The following NBAS variants were observed in gnomAD, a reference collection of about 807,000 sequenced individuals.
NBAS encodes the protein NAG/BC035112 fusion.
In NBAS, 219 loss-of-function variants were observed where a neutral mutation model predicts 302.5. That is an observed-to-expected ratio of 0.72 (90% CI 0.65 to 0.81). NBAS has a LOEUF of 0.81. NBAS is among the 30% of genes least tolerant of loss of function. NBAS has a pLI of 0.00. For missense variants in NBAS, 2,932 were observed against 2,841.6 expected (o/e 1.03, Z -0.72); for synonymous variants, 1,118 against 1,021.6 (o/e 1.09, Z -1.80).
At chr2:15,345,374 A>G (rs1399287178) in intron 35 of NBAS, among the ~76,000 whole-genome samples, 1 of 152,182 alleles carries the variant, frequency 6.6e-6, no homozygotes, top group African/African-American at 2.4e-5. Context: ...ACAGATAGAG[A>G]GCCAAATCAT....
At chr2:15,541,125 C>A (rs988573100) in intron 6 of NBAS, among the ~76,000 whole-genome samples, 46 of 152,214 alleles carry the variant, frequency 3.0e-4, no homozygotes, top group African/African-American at 1.0e-3. Flanking sequence ...TTCCTTGACA[C>A]CCTTGAAAAC....
At chr2:15,190,606 G>A (rs1015144131) in intron 48 of NBAS, among the ~76,000 whole-genome samples, 5 of 152,190 alleles carry the variant, frequency 3.3e-5, no homozygotes, top group African/African-American at 1.2e-4. Context: ...ACTACAATCA[G>A]AGGAAGGTTC....
At chr2:14,948,561 C>T in the NBAS span, among the ~76,000 whole-genome samples, 3 of 151,642 alleles carry the variant, frequency 2.0e-5, no homozygotes, top group Non-Finnish European at 4.4e-5. Context: ...AAGATCTATA[C>T]AAGGAAAACC....
chr2:15,380,054 T>C (rs1674957450), intron 29 of NBAS, among the ~76,000 whole-genome samples: 1 of 152,174 alleles, frequency 6.6e-6, no homozygotes, highest in Non-Finnish European at 1.5e-5. Flanking sequence ...AGTCAATCTT[T>C]TAGAAAGAAT....
At chr2:15,198,776 G>A (rs895873142) in intron 48 of NBAS, among the ~76,000 whole-genome samples, 2 of 152,116 alleles carry the variant, frequency 1.3e-5, no homozygotes, top group African/African-American at 4.8e-5. Flanking sequence ...CTTACTTTCC[G>A]AAAGACATCT....
chr2:14,908,503 G>A, the NBAS span, among the ~76,000 whole-genome samples: 1 of 152,302 alleles, frequency 6.6e-6, no homozygotes, highest in South Asian at 2.1e-4. Flanking sequence ...TTTTTTACGT[G>A]GAGAGGGTTT....
intron 42 of NBAS, among the ~76,000 whole-genome samples, chr2:15,283,878 C>T (rs1669929438): frequency 6.6e-6 from 1 of 152,134 alleles, no homozygotes; most frequent in African/African-American, 2.4e-5. Flanking sequence ...CCCATGCTGT[C>T]ATCAATAGGC....
At chr2:14,888,504 C>CT in the NBAS span, among the ~76,000 whole-genome samples, 1 of 151,986 alleles carries the variant, frequency 6.6e-6, no homozygotes, top group Non-Finnish European at 1.5e-5. Flanking sequence ...ATCTCATTCT[C>CT]TATGATTTCT....
chr2:15,090,461 G>C, the NBAS span, among the ~76,000 whole-genome samples: 1 of 152,238 alleles, frequency 6.6e-6, no homozygotes, highest in Non-Finnish European at 1.5e-5. Flanking sequence ...CTGCAGGACT[G>C]TCATCTGGCT....
chr2:15,383,773 G>A (rs1277786141), intron 28 of NBAS, among the ~76,000 whole-genome samples: 10 of 152,146 alleles, frequency 6.6e-5, no homozygotes, highest in Non-Finnish European at 1.5e-4. Context: ...ACATCCATAG[G>A]ACAACCGCAG....
rs751002986 is a variant in NBAS, at chr2:15,287,132, G to A, written c.5079C>T (p.Tyr1693=). The change falls in exon 42 of 52, where the codon TAC becomes TAT. Residue 1693 remains tyrosine, a synonymous_variant. Transcript: ENST00000281513. Reference sequence around the variant, plus strand: ...TAAAAACTTCCCAGCGGGAGACACTGTAACGTTGTGCCAGAGAAATAGCAA... The same window carrying A: ...TAAAAACTTCCCAGCGGGAGACACTATAACGTTGTGCCAGAGAAATAGCAA... ...YSIAISLAQR[Y]SVSRWEVFMT... is the part of the protein sequence containing the mutation. 6.2e-7 allele frequency: 1 copy of A among 1,613,942 alleles called. No individual in the cohort carries two copies. The highest frequency in any genetic ancestry group is 8.5e-7 in the Non-Finnish European group (1 of 1,179,932).
chr2:14,854,794 T>C, the NBAS span, among the ~76,000 whole-genome samples: 1 of 152,104 alleles, frequency 6.6e-6, no homozygotes, highest in Non-Finnish European at 1.5e-5. Flanking sequence ...CTCACCACCA[T>C]AAGCTATAGC....
the NBAS span, among the ~76,000 whole-genome samples, chr2:15,135,631 C>G: frequency 1.6e-4 from 25 of 152,152 alleles, no homozygotes; most frequent in African/African-American, 5.3e-4. Flanking sequence ...ATCCGGGAAC[C>G]GTTGAAGCTT....
At chr2:15,515,728 C>T (rs544680833) in intron 9 of NBAS, among the ~76,000 whole-genome samples, 1 of 152,240 alleles carries the variant, frequency 6.6e-6, no homozygotes, top group African/African-American at 2.4e-5. Flanking sequence ...TCCAGGGCAA[C>T]ACTGGCCAGA....
the NBAS span, among the ~76,000 whole-genome samples, chr2:15,053,446 G>A: frequency 4.4e-4 from 67 of 152,330 alleles, no homozygotes; most frequent in African/African-American, 1.6e-3. Flanking sequence ...CCCACAAAAT[G>A]AGGGAGGTGG....
At chr2:14,994,638 A>C in the NBAS span, among the ~76,000 whole-genome samples, 1 of 152,292 alleles carries the variant, frequency 6.6e-6, no homozygotes, top group African/African-American at 2.4e-5. Context: ...TGAGAGGTCC[A>C]CCTTCCGGGC....
chr2:15,551,733 A>T (rs1249370832), intron 5 of NBAS, among the ~76,000 whole-genome samples, 197 bp from the exon 6 acceptor site: 1 of 152,166 alleles, frequency 6.6e-6, no homozygotes, highest in Non-Finnish European at 1.5e-5. Flanking sequence ...TCAGATACGG[A>T]GCTACATCGT....
At chr2:15,400,261 T>C (rs962907336) in intron 26 of NBAS, among the ~76,000 whole-genome samples, 10 of 146,320 alleles carry the variant, frequency 6.8e-5, no homozygotes, top group Non-Finnish European at 6.0e-5. Context: ...ATGAAAGGAA[T>C]AGAGAGATCA....
At chr2:15,459,357 A>T (rs1218078143) in intron 21 of NBAS, among the ~76,000 whole-genome samples, 1 of 152,242 alleles carries the variant, frequency 6.6e-6, no homozygotes, top group Non-Finnish European at 1.5e-5. Context: ...GATTAGATTT[A>T]TTCTGCAAAG....
Sources: gnomAD v4.1 joint callset for allele counts (sites outside exome capture counted in the v4.1 genomes callset) on GRCh38, gnomAD v4.1.1 for gene constraint, MANE v1.5 for transcripts, NCBI Gene and HGNC (gene_info 2026-07-23, HGNC 2026-07-21) for gene names.